Variants in QRICH2 observed in about 807,000 individuals in gnomAD.
The protein encoded by QRICH2 is glutamine-rich protein 2.
QRICH2 carries 119 observed loss-of-function variants against 168.3 expected under a neutral mutation model. The ratio of observed to expected loss-of-function variants is 0.71; its 90% CI spans 0.61 to 0.82. The LOEUF (loss-of-function observed/expected upper bound fraction) is 0.82. Among genes scored for constraint, QRICH2 ranks in the 40% least tolerant of loss-of-function variants. The pLI is 0.00. For synonymous variants in QRICH2, 894 were observed against 951.2 expected (o/e 0.94, Z 1.11); for missense variants, 2,241 against 2,491.6 (o/e 0.90, Z 2.14).
At chr17:76,283,017 G>T (rs1373539332) in intron 7 of QRICH2, among the ~76,000 whole-genome samples, 1 of 152,206 alleles carries the variant, frequency 6.6e-6, no homozygotes, top group Non-Finnish European at 1.5e-5. Flanking sequence ...AGGGACAGGT[G>T]GGGTGGCCCA....
Position 76,281,981 on chromosome 17 carries a change from G to A in QRICH2, c.4146C>T (p.Cys1382=), listed in dbSNP as rs768914755. 5 of 1,613,628 alleles carry A rather than the reference G, an allele frequency of 3.1e-6. No individual in the cohort carries two copies. The highest frequency in any genetic ancestry group is 1.1e-5 in the South Asian group (1 of 91,014). Reference sequence around the variant, plus strand: ...TGACCTGATGGCTCACATCCAGGCTGCAGGCTGGACAGGTGGCCTCAGGGT... The same window carrying A: ...TGACCTGATGGCTCACATCCAGGCTACAGGCTGGACAGGTGGCCTCAGGGT... The part of the protein sequence containing the change: ...QIDPEATCPA[C]SLDVSHQVST... The change falls in exon 8 of 19, where the codon TGC becomes TGT. Residue 1382 remains cysteine (C), a synonymous_variant. Transcript: ENST00000680821. This position sits in a 1 kb window ranked among gnomAD's most constrained non-coding sequence, Gnocchi z 4.4.
chr17:76,293,781 G>C lies in QRICH2; in HGVS notation c.946C>G (p.Pro316Ala), dbSNP rs1384449868. 1.9e-6 allele frequency: 3 copies of C among 1,614,070 alleles called. No homozygotes were observed. Among genetic ancestry groups the C allele is most frequent in the Non-Finnish European group, 2.5e-6 (3 of 1,179,980 alleles). Residue 316 changes from proline to alanine, a missense_variant, in exon 4 of 19, where the codon CCG becomes GCG. This residue lies in a region of QRICH2 where 2,047 missense variants were observed against 2,303.8 expected (regional missense o/e 0.89). Coordinates refer to ENST00000680821, the MANE Select transcript of QRICH2 (RefSeq NM_001388453.1). ...VPSGTGRQQQ[P>A]RARDEAGVPR... is the part of the protein sequence containing the mutation. ...ACGCCAGCTTCATCACGGGCCCTCG[G>C]CTGCTGCTGTCTCCCAGTACCAGAG...
intron 5 of QRICH2, among the ~76,000 whole-genome samples, chr17:76,289,388 T>C (rs1240353242): frequency 6.6e-6 from 1 of 151,944 alleles, no homozygotes; most frequent in Non-Finnish European, 1.5e-5. Flanking sequence ...GTCCTTGCTA[T>C]GTTGCCCAGG....
intron 5 of QRICH2, among the ~76,000 whole-genome samples, chr17:76,288,645 C>T (rs762453646): frequency 1.7e-4 from 26 of 151,832 alleles, no homozygotes; most frequent in Non-Finnish European, 3.5e-4. Flanking sequence ...GCAGAGGTTG[C>T]AGTGAGCCGA....
intron 18 of QRICH2, among the ~76,000 whole-genome samples, chr17:76,275,210 C>T (rs1269458828): frequency 6.6e-6 from 1 of 152,090 alleles, no homozygotes; most frequent in Non-Finnish European, 1.5e-5. Context: ...GGCCTGACTC[C>T]AAGCAGCACT....
At chr17:76,274,433 C>T (rs1256682371) in intron 18 of QRICH2, among the ~76,000 whole-genome samples, 173 bp from the exon 19 acceptor site, 2 of 152,188 alleles carry the variant, frequency 1.3e-5, no homozygotes, top group Non-Finnish European at 2.9e-5. Flanking sequence ...CCCATCTGAG[C>T]TCCTAAGCAG....
intron 7 of QRICH2, among the ~76,000 whole-genome samples, chr17:76,285,442 A>G (rs548456138): frequency 6.6e-6 from 1 of 151,620 alleles, no homozygotes; most frequent in South Asian, 2.1e-4. Context: ...TATTTTCTGT[A>G]TTTTTAGTAG....
In QRICH2 at chr17:76,307,506, T is replaced by A. The variant is rs768498802; in HGVS notation, c.493A>T (p.Ser165Cys). The A allele has an allele frequency of 6.2e-7, 1 of 1,613,662 alleles. No homozygotes were observed. Among genetic ancestry groups the A allele is most frequent in the Admixed American group, 1.7e-5 (1 of 59,994 alleles). ...VRAFDRVRTG[S>C]IMKDAAEELS... The stretch of plus-strand genomic sequence containing the variant: ...TCCTCGGCGGCGTCCTTCATGATAC[T>A]CCCAGTCCGCACCCTATCGAACGCC... The change falls in exon 1 of 19, where the codon AGT (serine) becomes TGT (cysteine). Residue 165 changes from serine (S) to cysteine (C), a missense_variant. Physicochemically the swap from Ser to Cys is moderately radical, Grantham distance 112 (BLOSUM62 -1). Transcript: ENST00000680821. This position sits in a 1 kb window ranked among gnomAD's most constrained non-coding sequence, Gnocchi z 5.3.
chr17:76,277,448 C>T (rs1049389639), intron 15 of QRICH2, 138 bp from the exon 16 acceptor site: 6 of 1,044,530 alleles, frequency 5.7e-6, no homozygotes, highest in East Asian at 2.5e-5. Flanking sequence ...GCAGCAGGGG[C>T]CCAGAACAGG....
At chr17:76,296,777 CAAAAAAAA>C (rs758967969) in intron 3 of QRICH2, among the ~76,000 whole-genome samples, 5 of 90,824 alleles carry the variant, frequency 5.5e-5, no homozygotes, top group Admixed American at 2.4e-4. Context: ...GGCTCTGTCT[CAAAAAAAA>C]AAAAAAAAAA....
At position 76,281,447 on chromosome 17, in the gene QRICH2, A is replaced by G. The variant is rs886298357; in HGVS notation, c.4263+417T>C. 3.3e-5 allele frequency among the ~76,000 whole-genome samples: 5 copies of G among 152,170 alleles called. No individual in the cohort carries two copies. Among genetic ancestry groups the G allele is most frequent in the African/African-American group, 9.6e-5 (4 of 41,452 alleles). On this transcript the variant is annotated intron_variant, in intron 8 of 18. Transcript: ENST00000680821. This position sits in a 1 kb window ranked among gnomAD's most constrained non-coding sequence, Gnocchi z 4.4. The stretch of plus-strand genomic sequence containing the variant: ...ATCTGAGTTCCTCAGCCCAAGAGGC[A>G]GGACCCAGGATTTGTGGCTGTGCCC...
intron 3 of QRICH2, 142 bp downstream of exon 3, chr17:76,304,273 T>A: frequency 1.7e-6 from 1 of 603,410 alleles, no homozygotes; most frequent in Non-Finnish European, 3.0e-6. Flanking sequence ...TTCTTAAGAT[T>A]GGAAAAAGCA....
chr17:76,281,297 C>A lies in QRICH2; in HGVS notation c.4264-344G>T, dbSNP rs1226320241. 4.6e-5 allele frequency among the ~76,000 whole-genome samples: 7 copies of A among 152,212 alleles called. No homozygotes were observed. Among genetic ancestry groups the A allele is most frequent in the African/African-American group, 7.2e-5 (3 of 41,450 alleles). On this transcript the variant is annotated intron_variant, in intron 8 of 18. Coordinates refer to ENST00000680821, the MANE Select transcript of QRICH2 (RefSeq NM_001388453.1). The surrounding 1 kb of genome is among the most constrained non-coding windows in gnomAD (Gnocchi z 4.4). ...AGTCACCTACATCCCCATGGACTAGCCTTGTGACCCTGGCCTGCCGGTCAG... is the reference window on the plus strand; with the variant it reads ...AGTCACCTACATCCCCATGGACTAGACTTGTGACCCTGGCCTGCCGGTCAG...
chr17:76,285,662 A>C (rs1451343717), intron 7 of QRICH2, among the ~76,000 whole-genome samples: 20 of 151,736 alleles, frequency 1.3e-4, no homozygotes, highest in Admixed American at 1.3e-3. Flanking sequence ...CAGCCTGGCC[A>C]ACATGGTGAA....
chr17:76,275,314 G>A (rs1173486283), intron 18 of QRICH2, among the ~76,000 whole-genome samples: 10 of 152,184 alleles, frequency 6.6e-5, no homozygotes, highest in Non-Finnish European at 1.5e-4. Context: ...TCACTTGTCA[G>A]TGATCCAGCC....
At chr17:76,285,833 G>C (rs865805140) in intron 7 of QRICH2, among the ~76,000 whole-genome samples, 5 of 150,500 alleles carry the variant, frequency 3.3e-5, no homozygotes, top group Admixed American at 1.3e-4. Context: ...TGGATAACAA[G>C]AGCGAAACTC....
At chr17:76,287,757 C>G (rs747388610) in intron 6 of QRICH2, 43 bp downstream of exon 6, 10 of 1,465,934 alleles carry the variant, frequency 6.8e-6, no homozygotes, top group Middle Eastern at 3.5e-4. Context: ...GCTGAGAATT[C>G]GTGATGCCAG....
At chr17:76,286,255 T>C (rs979677315) in intron 7 of QRICH2, among the ~76,000 whole-genome samples, 1 of 152,184 alleles carries the variant, frequency 6.6e-6, no homozygotes, top group African/African-American at 2.4e-5. Flanking sequence ...CAGATGTCTT[T>C]CAACTGATGA....
intron 5 of QRICH2, among the ~76,000 whole-genome samples, chr17:76,288,383 T>TAAAAA (rs770162922): frequency 5.1e-5 from 2 of 39,266 alleles, no homozygotes; most frequent in African/African-American, 2.3e-4. Flanking sequence ...GAATCAGTCT[T>TAAAAA]AAAAAAAAAA....
Sources: allele counts gnomAD v4.1 joint callset (sites outside exome capture counted in the v4.1 genomes callset), GRCh38; gene constraint gnomAD v4.1.1; regional missense constraint gnomAD v4.1.1; non-coding constraint Gnocchi (gnomAD v3.1); transcripts MANE v1.5; gene names NCBI Gene and HGNC (gene_info 2026-07-23, HGNC 2026-07-21).